Variants in EPHA5 observed in about 807,000 individuals in gnomAD.
The protein encoded by EPHA5 is ephrin type-A receptor 5.
Under a neutral mutation model 105.0 loss-of-function variants are expected in EPHA5, and 60 were observed. The observed-to-expected ratio is 0.57, with a 90% CI of 0.46 to 0.71. EPHA5 has a LOEUF of 0.71. EPHA5 is among the 30% of genes least tolerant of loss of function. EPHA5 has a pLI of 0.00. For synonymous variants in EPHA5, 513 were observed against 449.1 expected (o/e 1.14, Z -1.80); for missense variants, 1,218 against 1,274.7 (o/e 0.96, Z 0.68).
chr4:65,467,753 G>T (rs1220008897), intron 5 of EPHA5, among the ~76,000 whole-genome samples: 1 of 152,124 alleles, frequency 6.6e-6, no homozygotes, highest in Non-Finnish European at 1.5e-5. Flanking sequence ...AATTAAAGTT[G>T]CAGATAGAAT....
At chr4:65,500,774 A>G (rs1402297331) in intron 3 of EPHA5, among the ~76,000 whole-genome samples, 2 of 150,464 alleles carry the variant, frequency 1.3e-5, no homozygotes, top group Non-Finnish European at 3.0e-5. Flanking sequence ...ACTTTAAAAT[A>G]CTATACTTCT....
intron 6 of EPHA5, among the ~76,000 whole-genome samples, chr4:65,415,762 T>C (rs1020216677): frequency 7.2e-5 from 11 of 152,062 alleles, no homozygotes; most frequent in Non-Finnish European, 2.9e-5. Context: ...TACCTAATAA[T>C]ACCAGGAAAT....
chr4:65,645,319 G>A (rs532434318), intron 1 of EPHA5, among the ~76,000 whole-genome samples: 1 of 152,154 alleles, frequency 6.6e-6, no homozygotes, highest in African/African-American at 2.4e-5. Flanking sequence ...TGATTCATTT[G>A]ATTCACCTTT....
Position 65,323,269 on chromosome 4 carries a change from G to T in EPHA5, c.*845C>A. 1 of 229,214 alleles carries T rather than the reference G, an allele frequency of 4.4e-6. No individual in the cohort carries two copies. The highest frequency in any genetic ancestry group is 8.6e-6 in the Non-Finnish European group (1 of 115,608). 14.2% of individuals were successfully genotyped at this position (229,214 alleles called of 1,614,324 possible). Reference sequence around the variant, plus strand: ...AGCTTGTGTTAAATTTTGTTTTACTGCTTCCCTATTTCTCCTATTCATATT... The same window carrying T: ...AGCTTGTGTTAAATTTTGTTTTACTTCTTCCCTATTTCTCCTATTCATATT... On this transcript the variant is annotated 3_prime_UTR_variant, in exon 17 of 17. Transcript: ENST00000613740.
intron 5 of EPHA5, among the ~76,000 whole-genome samples, chr4:65,424,712 C>T (rs1234405140): frequency 6.6e-6 from 1 of 152,036 alleles, no homozygotes; most frequent in East Asian, 1.9e-4. Context: ...GATCCAAAGG[C>T]AAAGTGCTTA....
chr4:65,345,360 C>T lies in EPHA5; in HGVS notation c.2595+2694G>A, dbSNP rs969484354. ...AATCCATAACTCCAATTTGCTGTTT[C>T]GATCAAAGAAGAATGCTATGAAATC... On this transcript the variant is annotated intron_variant, in intron 14 of 16. Coordinates refer to ENST00000613740, the MANE Select transcript of EPHA5 (RefSeq NM_001281766.3). Among the ~76,000 whole-genome samples, 5 of 152,178 alleles carry T rather than the reference C, an allele frequency of 3.3e-5. No individual in the cohort carries two copies. In the East Asian group the frequency reaches 9.6e-4, roughly 29 times the overall value.
intron 8 of EPHA5, among the ~76,000 whole-genome samples, chr4:65,395,877 T>C (rs1721177070): frequency 6.6e-6 from 1 of 152,216 alleles, no homozygotes; most frequent in Non-Finnish European, 1.5e-5. Context: ...ATGTCTGGAA[T>C]GACCACTGCA....
At chr4:65,443,916 T>TGTGTGG (rs1223203744) in intron 5 of EPHA5, among the ~76,000 whole-genome samples, 1 of 151,842 alleles carries the variant, frequency 6.6e-6, no homozygotes, top group Admixed American at 6.6e-5. Context: ...TGTGTGTGTG[T>TGTGTGG]GTGTGTGTGT....
chr4:65,500,108 A>T (rs771080561), intron 3 of EPHA5, among the ~76,000 whole-genome samples: 2 of 151,490 alleles, frequency 1.3e-5, no homozygotes, highest in Non-Finnish European at 3.0e-5. Flanking sequence ...AATATTTAAG[A>T]AATAATTATC....
At chr4:65,661,509 T>C (rs1578722367) in intron 1 of EPHA5, among the ~76,000 whole-genome samples, 1 of 152,296 alleles carries the variant, frequency 6.6e-6, no homozygotes, top group East Asian at 1.9e-4. Flanking sequence ...AGTCTGGCTG[T>C]ATCCCCCTTC....
At chr4:65,582,567 T>C (rs1328860427) in intron 3 of EPHA5, among the ~76,000 whole-genome samples, 1 of 151,572 alleles carries the variant, frequency 6.6e-6, no homozygotes, top group East Asian at 1.9e-4. Context: ...ACTGAAGTGC[T>C]TTCTTGAAGT....
At chr4:65,576,059 A>AG (rs1740940456) in intron 3 of EPHA5, among the ~76,000 whole-genome samples, 31 of 61,462 alleles carry the variant, frequency 5.0e-4, no homozygotes, top group African/African-American at 1.6e-3. Flanking sequence ...AGAAAGAAAG[A>AG]AAAGAAAAGA....
At chr4:65,332,787 AT>A (rs1410632550) in intron 15 of EPHA5, among the ~76,000 whole-genome samples, 5 of 151,914 alleles carry the variant, frequency 3.3e-5, no homozygotes, top group African/African-American at 1.2e-4. Flanking sequence ...GGTAAGAAAA[AT>A]GCTACCCACT....
chr4:65,524,714 T>C (rs969259320), intron 3 of EPHA5, among the ~76,000 whole-genome samples: 6 of 151,978 alleles, frequency 3.9e-5, no homozygotes, highest in East Asian at 1.9e-4. Flanking sequence ...GCCATTTCAG[T>C]ACGTTTAAAT....
At chr4:65,557,139 T>C (rs953586448) in intron 3 of EPHA5, among the ~76,000 whole-genome samples, 4 of 149,908 alleles carry the variant, frequency 2.7e-5, no homozygotes, top group African/African-American at 9.8e-5. Context: ...GACTTGATTA[T>C]TGGGACTAAA....
chr4:65,649,225 C>G (rs1748384371), intron 1 of EPHA5, among the ~76,000 whole-genome samples: 1 of 152,112 alleles, frequency 6.6e-6, no homozygotes, highest in East Asian at 1.9e-4. Flanking sequence ...TAACTGAGAC[C>G]TTAGTAACAG....
chr4:65,366,160 A>T, intron 9 of EPHA5, 103 bp from the exon 10 acceptor site: 1 of 1,127,928 alleles, frequency 8.9e-7, no homozygotes, highest in Non-Finnish European at 1.3e-6. Context: ...TAATTCCTGG[A>T]AGTATTCAAA....
chr4:65,577,701 G>T (rs1361718960), intron 3 of EPHA5, among the ~76,000 whole-genome samples: 2 of 152,032 alleles, frequency 1.3e-5, no homozygotes, highest in Non-Finnish European at 2.9e-5. Flanking sequence ...ATTTTAGACA[G>T]AAATATTAAT....
intron 8 of EPHA5, among the ~76,000 whole-genome samples, chr4:65,400,247 A>G (rs937517765): frequency 3.3e-5 from 5 of 152,196 alleles, no homozygotes; most frequent in African/African-American, 7.2e-5. Context: ...ATTAGTGATA[A>G]AAGAGACAGA....
Sources: gnomAD v4.1 joint callset for allele counts (sites outside exome capture counted in the v4.1 genomes callset) on GRCh38, gnomAD v4.1.1 for gene constraint, MANE v1.5 for transcripts, NCBI Gene and HGNC (gene_info 2026-07-23, HGNC 2026-07-21) for gene names.